MAPKAPK3: variants seen among roughly 807,000 people sequenced by gnomAD.
MAPKAPK3 encodes the protein MAP kinase-activated protein kinase 3.
MAPKAPK3 carries 35 observed loss-of-function variants against 49.2 expected under a neutral mutation model. The ratio of observed to expected loss-of-function variants is 0.71; its 90% CI spans 0.54 to 0.94. The LOEUF (loss-of-function observed/expected upper bound fraction) is 0.94. Among genes scored for constraint, MAPKAPK3 ranks in the 40% least tolerant of loss-of-function variants. The probability of loss-of-function intolerance (pLI) is 0.00; values close to 1 mark genes in which losing one functional copy is unlikely to be tolerated. For synonymous variants in MAPKAPK3, 178 were observed against 188.7 expected, an observed-to-expected ratio of 0.94 and a Z score of 0.46; for missense variants, 398 against 493.1, an observed-to-expected ratio of 0.81 and a Z score of 1.83.
chr3:50,621,519 A>G (rs1228149575), intron 2 of MAPKAPK3, among the ~76,000 whole-genome samples: 1 of 149,822 alleles, frequency 6.7e-6, no homozygotes, highest in Admixed American at 6.8e-5. Flanking sequence ...AATCGCTTGA[A>G]CCTGGGAGGC....
In MAPKAPK3 at chr3:50,646,969, C is replaced by T; in HGVS notation, c.915+144C>T. ...CAGGTAGATACTAGGGCCTCACCTACAACCTGGCTTTGTCACTGCCCTAGT... is the reference window on the plus strand; with the variant it reads ...CAGGTAGATACTAGGGCCTCACCTATAACCTGGCTTTGTCACTGCCCTAGT... On this transcript the variant is annotated intron_variant, in intron 9 of 10. Coordinates refer to ENST00000621469, the MANE Select transcript of MAPKAPK3 (RefSeq NM_001243925.2). 9 of 1,023,466 alleles carry T rather than the reference C, an allele frequency of 8.8e-6. No homozygotes were observed. The South Asian group carries it at 1.2e-4, about 13-fold the overall frequency. 63.4% of individuals were successfully genotyped at this position (1,023,466 alleles called of 1,614,324 possible).
Position 50,648,012 on chromosome 3 carries a change from G to A in MAPKAPK3, c.1115G>A (p.Ser372Asn). 35 of 1,613,804 alleles carry A rather than the reference G, an allele frequency of 2.2e-5. No individual in the cohort carries two copies. The highest frequency in any genetic ancestry group is 3.0e-5 in the Non-Finnish European group (35 of 1,180,012). The change falls in exon 11 of 11, where the codon AGC (serine) becomes AAC (asparagine). Residue 372 changes from serine (S) to asparagine (N), a missense_variant. Transcript: ENST00000621469. The part of the protein sequence containing the change: ...LNKRRKKQAG[S>N]SSASQGCNNQ ...AAGAGGAGAAAAAAGCAGGCAGGCAGCTCCTCTGCCTCACAGGGCTGCAAC... is the reference window on the plus strand; with the variant it reads ...AAGAGGAGAAAAAAGCAGGCAGGCAACTCCTCTGCCTCACAGGGCTGCAAC...
At chr3:50,616,991 G>A (rs967141510), upstream of MAPKAPK3, 13 of 151,770 alleles carry the variant, frequency 8.6e-5, no homozygotes, top group African/African-American at 3.2e-4. Context: ...ATTTTGTTCC[G>A]GCTCGGGGGC....
chr3:50,617,341 C>A, intron 1 of MAPKAPK3, 100 bp downstream of exon 1: 2 of 473,606 alleles, frequency 4.2e-6, no homozygotes, highest in South Asian at 8.2e-5. Context: ...GGGCGGTGCT[C>A]GCTTGTACCC....
rs768388741 is a variant in MAPKAPK3 at position 50,617,685 on chromosome 3, C to T, written c.120C>T (p.Thr40=). 4 of 1,613,250 alleles carry T rather than the reference C, an allele frequency of 2.5e-6. No individual in the cohort carries two copies. The highest frequency in any genetic ancestry group is 1.7e-5 in the Admixed American group (1 of 60,000). The change falls in exon 2 of 11, where the codon ACC becomes ACT. Residue 40 remains threonine (T), a synonymous_variant. Coordinates refer to ENST00000621469, the MANE Select transcript of MAPKAPK3 (RefSeq NM_001243925.2). ...GGGAGCCCAAGAAGTACGCAGTGAC[C>T]GACGACTACCAGTTGTCCAAGCAGG... is the stretch of plus-strand genomic sequence containing the variant. ...GRREPKKYAV[T]DDYQLSKQVL...
At position 50,617,252 on chromosome 3, in the gene MAPKAPK3, G is replaced by A. The variant is rs538036762; in HGVS notation, c.-53+11G>A. Reference sequence around the variant, plus strand: ...GTGCGTTGCCGCCAGGTACGCCCTCGCTGGGCCCCCTCTGCGGCCTCCTCC... The same window carrying A: ...GTGCGTTGCCGCCAGGTACGCCCTCACTGGGCCCCCTCTGCGGCCTCCTCC... On this transcript the variant is annotated intron_variant, in intron 1 of 10. Transcript: ENST00000621469. 7.6e-6 allele frequency: 2 copies of A among 264,272 alleles called. No individual in the cohort carries two copies. Among genetic ancestry groups the A allele is most frequent in the Non-Finnish European group, 1.4e-5 (2 of 139,774 alleles). The allele number at this position is 264,272 out of a possible 1,614,324, so 16.4% of individuals were successfully genotyped here.
chr3:50,636,051 C>T (rs1263251317), intron 2 of MAPKAPK3, among the ~76,000 whole-genome samples: 1 of 151,578 alleles, frequency 6.6e-6, no homozygotes, highest in South Asian at 2.1e-4. Context: ...ATCAAGGCTG[C>T]AGTGAGCTGT....
At chr3:50,626,019 A>T (rs1006572729) in intron 2 of MAPKAPK3, among the ~76,000 whole-genome samples, 1 of 152,168 alleles carries the variant, frequency 6.6e-6, no homozygotes, top group African/African-American at 2.4e-5. Flanking sequence ...CAGCCTTGGC[A>T]GTCAGAACAG....
In MAPKAPK3 at chr3:50,647,871, C is replaced by T. The variant is rs768076382; in HGVS notation, c.997-23C>T. ...GTCAGTACATCCTGACCTCTTAGTG[C>T]CCACCATCCTGTCTGTCCCCAGGAG... On this transcript the variant is annotated intron_variant, in intron 10 of 10. Transcript: ENST00000621469. 8.1e-6 allele frequency: 13 copies of T among 1,601,784 alleles called. No individual in the cohort carries two copies. In the South Asian group the frequency reaches 1.5e-4, roughly 18 times the overall value.
At chr3:50,633,234 GAGA>G (rs1006683225) in intron 2 of MAPKAPK3, among the ~76,000 whole-genome samples, 3 of 152,048 alleles carry the variant, frequency 2.0e-5, no homozygotes, top group African/African-American at 7.3e-5. Context: ...AGGTACTTTG[GAGA>G]AGTAGAAAAT....
upstream of MAPKAPK3, among the ~76,000 whole-genome samples, chr3:50,615,399 A>T (rs1424560231): frequency 6.6e-6 from 1 of 152,236 alleles, no homozygotes; most frequent in Non-Finnish European, 1.5e-5. Context: ...ATGTGTGTGC[A>T]CATGTGTAAA....
Position 50,617,515 on chromosome 3 carries a change from T to G in MAPKAPK3, c.-51T>G. ...ACTCACTCTTCCCCTTTCCCCCAGG[T>G]GCCACTAGAAGCGCCAGGCTGGGGC... is the stretch of plus-strand genomic sequence containing the variant. On this transcript the variant is annotated splice_region_variant and 5_prime_UTR_variant, in exon 2 of 11. Coordinates refer to ENST00000621469, the MANE Select transcript of MAPKAPK3 (RefSeq NM_001243925.2). 1.2e-6 allele frequency: 1 copy of G among 861,180 alleles called. No homozygotes were observed. Among genetic ancestry groups the G allele is most frequent in the South Asian group, 1.5e-5 (1 of 67,230 alleles). The allele number at this position is 861,180 out of a possible 1,614,324, so 53.3% of individuals were successfully genotyped here.
Position 50,645,647 on chromosome 3 carries a change from G to A in MAPKAPK3, c.629-63G>A, listed in dbSNP as rs907660203. Reference sequence around the variant, plus strand: ...TGCTCCCCACCTTGCCCAGGCTTTAGGCTCCTGCCTGGGCTCCAAGACCCT... The same window carrying A: ...TGCTCCCCACCTTGCCCAGGCTTTAAGCTCCTGCCTGGGCTCCAAGACCCT... On this transcript the variant is annotated intron_variant, in intron 6 of 10. Transcript: ENST00000621469. 1.0e-5 allele frequency: 14 copies of A among 1,406,034 alleles called. No individual in the cohort carries two copies. The African/African-American group carries it at 1.8e-4, about 18-fold the overall frequency. 87.1% of individuals were successfully genotyped at this position (1,406,034 alleles called of 1,614,324 possible).
intron 2 of MAPKAPK3, among the ~76,000 whole-genome samples, chr3:50,636,122 C>T (rs2107591142): frequency 6.6e-6 from 1 of 152,014 alleles, no homozygotes; most frequent in African/African-American, 2.4e-5. Flanking sequence ...AAAAAAAAAT[C>T]TACAACTATT....
In MAPKAPK3 at chr3:50,647,130, T is replaced by A; in HGVS notation, c.923T>A (p.Met308Lys). The A allele has an allele frequency of 6.3e-7, 1 of 1,584,692 alleles. No individual in the cohort carries two copies. The highest frequency in any genetic ancestry group is 8.6e-7 in the Non-Finnish European group (1 of 1,165,126). The change falls in exon 10 of 11, where the codon ATG becomes AAG. Residue 308 changes from methionine (M) to lysine (K), a missense_variant. By Grantham distance (95) the Met-to-Lys change is moderately conservative (BLOSUM62 -1). Coordinates refer to ENST00000621469, the MANE Select transcript of MAPKAPK3 (RefSeq NM_001243925.2). ...FMNHPWINQSMVVPQTPLHTA... is the reference protein window; with the variant it reads ...FMNHPWINQSKVVPQTPLHTA... ...GCGTGGGGCTCCTTCCAGCAATCGA[T>A]GGTAGTGCCACAGACCCCACTCCAC... is the stretch of plus-strand genomic sequence containing the variant.
rs370373095 is a variant in MAPKAPK3 at position 50,642,282 on chromosome 3, A to G, written c.454A>G (p.Thr152Ala). The G allele has an allele frequency of 3.8e-5, 62 of 1,613,372 alleles. No individual in the cohort carries two copies. Among genetic ancestry groups the G allele is most frequent in the Non-Finnish European group, 4.7e-5 (56 of 1,179,872 alleles). ...EAAEIMRDIGTAIQFLHSHNI... is the reference protein window; with the variant it reads ...EAAEIMRDIGAAIQFLHSHNI... The stretch of plus-strand genomic sequence containing the variant: ...TGCAGAGATAATGCGGGATATTGGC[A>G]CTGCCATCCAGTTTCTGCACAGCCA... The change falls in exon 5 of 11, where the codon ACT becomes GCT. Residue 152 changes from threonine to alanine, a missense_variant. Physicochemically the swap from Thr to Ala is moderately conservative, Grantham distance 58. This residue lies in a region of MAPKAPK3 where 52 missense variants were observed against 91.9 expected (regional missense o/e 0.57). Coordinates refer to ENST00000621469, the MANE Select transcript of MAPKAPK3 (RefSeq NM_001243925.2).
chr3:50,640,260 G>A (rs1439208527), intron 2 of MAPKAPK3, 106 bp from the exon 3 acceptor site: 11 of 1,089,412 alleles, frequency 1.0e-5, no homozygotes, highest in South Asian at 1.5e-5. Context: ...CTTATAAGCT[G>A]TGTGACCTGG....
At chr3:50,642,402 C>T in intron 5 of MAPKAPK3, 70 bp downstream of exon 5, 1 of 1,148,212 alleles carries the variant, frequency 8.7e-7, no homozygotes, top group Non-Finnish European at 1.3e-6. Flanking sequence ...TCCCTGATGG[C>T]ATCCAGGACC....
intron 8 of MAPKAPK3, 148 bp from the exon 9 acceptor site, chr3:50,646,592 G>A (rs1177317109): frequency 1.9e-5 from 14 of 754,578 alleles, no homozygotes; most frequent in Non-Finnish European, 3.2e-5. Context: ...TTCAAAACAA[G>A]AAATAGTTGT....
Sources: allele counts gnomAD v4.1 joint callset (sites outside exome capture counted in the v4.1 genomes callset), GRCh38; gene constraint gnomAD v4.1.1; regional missense constraint gnomAD v4.1.1; transcripts MANE v1.5; gene names NCBI Gene and HGNC (gene_info 2026-07-23, HGNC 2026-07-21).